Variants in SCLT1 observed in about 807,000 individuals in gnomAD.
SCLT1 encodes sodium channel-associated protein 1.
SCLT1 carries 78 observed loss-of-function variants against 112.8 expected under a neutral mutation model. That is an observed-to-expected ratio of 0.69 (90% CI 0.58 to 0.83). The LOEUF is 0.83. SCLT1 is among the 40% of genes least tolerant of loss of function. SCLT1 has a pLI of 0.00. For synonymous variants in SCLT1, 257 were observed against 254.7 expected (o/e 1.01, Z -0.09); for missense variants, 747 against 770.4 (o/e 0.97, Z 0.36).
chr4:128,938,470 T>C (rs1000589462), intron 17 of SCLT1, among the ~76,000 whole-genome samples: 15 of 152,302 alleles, frequency 9.8e-5, no homozygotes, highest in African/African-American at 3.6e-4. Context: ...TAGTTTTGTG[T>C]TGTATTACTG....
intron 9 of SCLT1, among the ~76,000 whole-genome samples, chr4:128,989,070 T>C (rs191228574): frequency 3.9e-5 from 6 of 152,036 alleles, no homozygotes; most frequent in African/African-American, 1.4e-4. Context: ...GGACAGATAA[T>C]CTACATAGAA....
intron 2 of SCLT1, among the ~76,000 whole-genome samples, chr4:129,075,096 G>A (rs1751346755): frequency 6.6e-6 from 1 of 152,098 alleles, no homozygotes; most frequent in Non-Finnish European, 1.5e-5. Context: ...GGTTATGTAA[G>A]CAAATTCTCT....
At chr4:129,019,545 A>G (rs1465692632) in intron 5 of SCLT1, among the ~76,000 whole-genome samples, 1 of 152,146 alleles carries the variant, frequency 6.6e-6, no homozygotes, top group Non-Finnish European at 1.5e-5. Flanking sequence ...AGTGGCATAT[A>G]TGCCACTATA....
chr4:128,933,499 T>C (rs1736940653), intron 18 of SCLT1, among the ~76,000 whole-genome samples: 1 of 152,142 alleles, frequency 6.6e-6, no homozygotes, highest in African/African-American at 2.4e-5. Context: ...CCCAGTAATC[T>C]TGATACCTTC....
At position 129,039,910 on chromosome 4, in the gene SCLT1, A is replaced by G. The variant is rs1170804077; in HGVS notation, c.235-814T>C. ...AGAGTGTGCGCGCGCGCACACACAC[A>G]CACACACACACACACACACACAAAA... On this transcript the variant is annotated intron_variant, in intron 4 of 20. Transcript: ENST00000281142. The G allele has an allele frequency of 7.4e-5, 28 of 377,262 alleles. No homozygotes were observed. In the South Asian group the frequency reaches 8.0e-4, roughly 11 times the overall value. The allele number at this position is 377,262 out of a possible 1,614,324, so 23.4% of individuals were successfully genotyped here.
At chr4:129,026,086 A>C (rs868359101) in intron 5 of SCLT1, among the ~76,000 whole-genome samples, 19 of 152,270 alleles carry the variant, frequency 1.2e-4, no homozygotes, top group African/African-American at 2.4e-4. Context: ...CTTAGACTCC[A>C]ACACAATAAT....
chr4:129,080,948 G>A (rs368101945), intron 2 of SCLT1, among the ~76,000 whole-genome samples: 1 of 152,120 alleles, frequency 6.6e-6, no homozygotes, highest in Admixed American at 6.5e-5. Context: ...AGCCATGGGC[G>A]GCCTCTGAGG....
At chr4:128,999,313 C>G (rs1436603227) in intron 7 of SCLT1, among the ~76,000 whole-genome samples, 1 of 151,832 alleles carries the variant, frequency 6.6e-6, no homozygotes, top group Non-Finnish European at 1.5e-5. Context: ...TCTTCACTGG[C>G]CATAAACTAA....
At chr4:129,043,521 TA>T in intron 3 of SCLT1, 54 bp from the exon 4 acceptor site, 2 of 748,054 alleles carry the variant, frequency 2.7e-6, no homozygotes, top group Non-Finnish European at 4.4e-6. Flanking sequence ...GTTTAATAAA[TA>T]TATAACAAGT....
intron 2 of SCLT1, among the ~76,000 whole-genome samples, chr4:129,044,863 G>C (rs1336891260): frequency 1.4e-5 from 2 of 147,924 alleles, no homozygotes; most frequent in African/African-American, 4.9e-5. Context: ...AAAAGAAAGA[G>C]GGAAGAACTT....
At chr4:129,028,066 A>G (rs1405086012) in intron 5 of SCLT1, among the ~76,000 whole-genome samples, 1 of 152,230 alleles carries the variant, frequency 6.6e-6, no homozygotes, top group South Asian at 2.1e-4. Context: ...GCTCATGGGC[A>G]GGAAGAATCA....
intron 19 of SCLT1, among the ~76,000 whole-genome samples, chr4:128,890,005 T>C (rs1307240284): frequency 6.6e-6 from 1 of 152,192 alleles, no homozygotes; most frequent in African/African-American, 2.4e-5. Context: ...AAAGCAAAAT[T>C]AAATGTTATG....
At chr4:129,073,606 G>C (rs1751211521) in intron 2 of SCLT1, among the ~76,000 whole-genome samples, 1 of 152,036 alleles carries the variant, frequency 6.6e-6, no homozygotes, top group African/African-American at 2.4e-5. Context: ...ACTAATGCCT[G>C]CCTTATTCAC....
intron 4 of SCLT1, among the ~76,000 whole-genome samples, chr4:128,875,576 A>G (rs1349741466): frequency 6.6e-6 from 1 of 152,218 alleles, no homozygotes; most frequent in Non-Finnish European, 1.5e-5. Flanking sequence ...TGGCCAAGTC[A>G]CTTAACCGTT....
At chr4:129,023,788 A>C (rs943463330) in intron 5 of SCLT1, among the ~76,000 whole-genome samples, 1 of 152,210 alleles carries the variant, frequency 6.6e-6, no homozygotes, top group Non-Finnish European at 1.5e-5. Context: ...TCCTAGTCAA[A>C]GAAAGGGGTG....
At chr4:128,961,235 C>A (rs1001006483) in intron 11 of SCLT1, among the ~76,000 whole-genome samples, 8 of 151,956 alleles carry the variant, frequency 5.3e-5, no homozygotes, top group African/African-American at 1.9e-4. Context: ...AATCCTGACT[C>A]ATTTGAATTT....
chr4:128,941,579 T>C (rs956585240), intron 17 of SCLT1, among the ~76,000 whole-genome samples: 1 of 152,080 alleles, frequency 6.6e-6, no homozygotes, highest in Non-Finnish European at 1.5e-5. Context: ...ATATGAGTTC[T>C]CTTTTTGGTT....
chr4:128,883,553 GATA>G (rs1243926431), downstream of SCLT1, among the ~76,000 whole-genome samples: 3 of 151,998 alleles, frequency 2.0e-5, no homozygotes, highest in Admixed American at 6.6e-5. Flanking sequence ...CTTAAAATAT[GATA>G]ATAATAATAA....
intron 2 of SCLT1, among the ~76,000 whole-genome samples, chr4:129,075,751 A>G (rs1378936413): frequency 6.6e-6 from 1 of 152,188 alleles, no homozygotes; most frequent in Non-Finnish European, 1.5e-5. Context: ...GAAAGCTAAT[A>G]ATCTGATTCA....
Sources: allele counts gnomAD v4.1 joint callset (sites outside exome capture counted in the v4.1 genomes callset), GRCh38; gene constraint gnomAD v4.1.1; transcripts MANE v1.5; gene names NCBI Gene and HGNC (gene_info 2026-07-23, HGNC 2026-07-21).